The following HYAL4 variants were observed in gnomAD, a reference collection of about 807,000 sequenced individuals.
HYAL4 encodes hyaluronidase-4.
Under a neutral mutation model 35.2 loss-of-function variants are expected in HYAL4, and 37 were observed. That is an observed-to-expected ratio of 1.05 (90% CI 0.81 to 1.38). The LOEUF is 1.38. HYAL4 is among the 40% of genes most tolerant of loss of function. The pLI is 0.00. For synonymous variants in HYAL4, 198 were observed against 203.2 expected, an observed-to-expected ratio of 0.97 and a Z score of 0.22; for missense variants, 572 against 572.4, an observed-to-expected ratio of 1.00 and a Z score of 0.01.
chr7:123,812,731 G>T, the HYAL4 span, among the ~76,000 whole-genome samples: 1 of 152,212 alleles, frequency 6.6e-6, no homozygotes, highest in Admixed American at 6.5e-5. Context: ...TGACCAGAGG[G>T]AGGTAAAGAA....
intron 1 of HYAL4, among the ~76,000 whole-genome samples, chr7:123,833,008 T>G (rs1475301149): frequency 2.0e-5 from 3 of 152,202 alleles, no homozygotes; most frequent in African/African-American, 7.2e-5. Context: ...ATTGATGGGC[T>G]TTTGGGTTGG....
chr7:123,808,970 A>G, the HYAL4 span, among the ~76,000 whole-genome samples: 3 of 152,208 alleles, frequency 2.0e-5, no homozygotes, highest in Non-Finnish European at 2.9e-5. Context: ...TAATCACATT[A>G]GAGATTAGGT....
At chr7:123,853,145 A>G (rs1806350498) in intron 2 of HYAL4, among the ~76,000 whole-genome samples, 1 of 152,136 alleles carries the variant, frequency 6.6e-6, no homozygotes, top group Admixed American at 6.5e-5. Flanking sequence ...GACTGAGATG[A>G]TGGGGTTTTC....
At chr7:123,847,811 A>T (rs911419013) in intron 1 of HYAL4, among the ~76,000 whole-genome samples, 1 of 152,192 alleles carries the variant, frequency 6.6e-6, no homozygotes. Context: ...GCTTTAGTAC[A>T]CAAAGCACTT....
rs756209758 is a variant in HYAL4, at chr7:123,863,904, T to C, written c.-51-4319T>C. Among the ~76,000 whole-genome samples the C allele has an allele frequency of 1.4e-4, 22 of 151,962 alleles. 1 individual carries two copies. The highest frequency in any genetic ancestry group is 2.4e-4 in the Non-Finnish European group (16 of 67,984). On this transcript the variant is annotated intron_variant, in intron 2 of 4. Transcript: ENST00000223026. ...GAGTGAGAAGGGAGATAGGAATAAGTAGGGGATAGGAGATAGAGGCTTTTT... is the reference window on the plus strand; with the variant it reads ...GAGTGAGAAGGGAGATAGGAATAAGCAGGGGATAGGAGATAGAGGCTTTTT...
chr7:123,860,800 T>C (rs1199224716), intron 2 of HYAL4, among the ~76,000 whole-genome samples: 1 of 152,206 alleles, frequency 6.6e-6, no homozygotes, highest in East Asian at 1.9e-4. Context: ...CAGTCTTCTG[T>C]TTCCACTAGG....
upstream of HYAL4, among the ~76,000 whole-genome samples, chr7:123,840,361 C>T (rs918308840): frequency 6.6e-6 from 1 of 152,084 alleles, no homozygotes; most frequent in African/African-American, 2.4e-5. Flanking sequence ...TGTTTTGGTA[C>T]CAGTACCATG....
chr7:123,811,616 C>G, the HYAL4 span, among the ~76,000 whole-genome samples: 3 of 152,070 alleles, frequency 2.0e-5, no homozygotes, highest in Non-Finnish European at 1.5e-5. Context: ...AATATTTTCT[C>G]TTAGTCTGTG....
the HYAL4 span, among the ~76,000 whole-genome samples, chr7:123,817,446 A>G: frequency 1.3e-5 from 2 of 150,822 alleles, no homozygotes; most frequent in South Asian, 2.1e-4. Context: ...AACAATTTCT[A>G]TCACCTCCTA....
At chr7:123,778,180 T>TCTAG in the HYAL4 span, among the ~76,000 whole-genome samples, 4 of 151,880 alleles carry the variant, frequency 2.6e-5, no homozygotes, top group East Asian at 7.7e-4. Context: ...TATCTATCTA[T>TCTAG]CTATCTATCT....
upstream of HYAL4, among the ~76,000 whole-genome samples, chr7:123,843,770 C>T (rs1806116483): frequency 6.6e-6 from 1 of 151,928 alleles, no homozygotes; most frequent in Non-Finnish European, 1.5e-5. Context: ...GATACCCTTT[C>T]TTCCGCTTGA....
chr7:123,846,282 T>A (rs1584913734), intron 1 of HYAL4, among the ~76,000 whole-genome samples: 1 of 151,526 alleles, frequency 6.6e-6, no homozygotes, highest in Non-Finnish European at 1.5e-5. Flanking sequence ...GGGCTAGGCA[T>A]GTGTGAGTTC....
At chr7:123,780,515 G>C in the HYAL4 span, among the ~76,000 whole-genome samples, 1 of 152,168 alleles carries the variant, frequency 6.6e-6, no homozygotes, top group East Asian at 1.9e-4. Context: ...TCCTCACCAA[G>C]TAGTATAGCT....
intron 2 of HYAL4, among the ~76,000 whole-genome samples, chr7:123,852,993 T>C (rs1448737921): frequency 1.3e-5 from 2 of 152,162 alleles, no homozygotes; most frequent in African/African-American, 4.8e-5. Context: ...ATTCTCTTTG[T>C]AGCAATTGTG....
chr7:123,823,340 G>A, the HYAL4 span, among the ~76,000 whole-genome samples: 1 of 152,100 alleles, frequency 6.6e-6, no homozygotes, highest in East Asian at 1.9e-4. Flanking sequence ...ATGTGCTATT[G>A]AATTTGGGTT....
the HYAL4 span, among the ~76,000 whole-genome samples, chr7:123,775,285 T>C: frequency 2.0e-5 from 3 of 151,980 alleles, no homozygotes; most frequent in Admixed American, 6.6e-5. Flanking sequence ...GTTTAAAAAT[T>C]AGGCATGGTG....
the HYAL4 span, among the ~76,000 whole-genome samples, chr7:123,780,484 A>G: frequency 1.3e-5 from 2 of 152,200 alleles, no homozygotes; most frequent in Admixed American, 1.3e-4. Context: ...GACAGTTAAG[A>G]TTATTTTTAT....
chr7:123,832,183 A>T (rs925402447), intron 1 of HYAL4, among the ~76,000 whole-genome samples: 1 of 152,068 alleles, frequency 6.6e-6, no homozygotes, highest in South Asian at 2.1e-4. Flanking sequence ...TGATGTGATA[A>T]TTTGTCCTCC....
intron 4 of HYAL4, among the ~76,000 whole-genome samples, chr7:123,875,673 GA>G (rs565686415): frequency 1.7e-3 from 230 of 135,958 alleles, no homozygotes; most frequent in African/African-American, 5.2e-3. Flanking sequence ...AAAAAAAAAA[GA>G]AAAAAAAAAG....
Sources: gnomAD v4.1 joint callset for allele counts (sites outside exome capture counted in the v4.1 genomes callset) on GRCh38, gnomAD v4.1.1 for gene constraint, MANE v1.5 for transcripts, NCBI Gene and HGNC (gene_info 2026-07-23, HGNC 2026-07-21) for gene names.